SETMAR: variants seen among roughly 807,000 people sequenced by gnomAD.
SETMAR encodes the protein SET and mariner transposase domain methyltransferase, also known as histone-lysine N-methyltransferase SETMAR.
A neutral mutation model predicts 58.4 loss-of-function variants in SETMAR; 44 were observed. The observed-to-expected ratio is 0.75, with a 90% CI of 0.59 to 0.97. SETMAR has a LOEUF of 0.97. Ranked by LOEUF, SETMAR falls within the 50% of genes least tolerant of loss-of-function variation. The pLI, the probability that SETMAR is intolerant of heterozygous loss-of-function variation, is 0.00. For synonymous variants in SETMAR, 332 were observed against 307.4 expected (o/e 1.08, Z -0.84); for missense variants, 903 against 840.2 (o/e 1.07, Z -0.92).
At position 4,313,516 on chromosome 3, in the gene SETMAR, T is replaced by C. The variant is rs1419055967; in HGVS notation, c.775T>C (p.Ser259Pro). The change falls in exon 2 of 3, where the codon TCT becomes CCT. Residue 259 changes from serine to proline, a missense_variant. By Grantham distance (74) the Ser-to-Pro change is moderately conservative (BLOSUM62 -1). Coordinates refer to ENST00000358065, the MANE Select transcript of SETMAR (RefSeq NM_006515.4). ...AGATATTGTGCCAGAAGAAGAACTC[T>C]CTTATGATTATTCAGGAAGATATCT... The part of the protein sequence containing the change: ...AKDIVPEEEL[S>P]YDYSGRYLNL... 1 of 1,614,036 alleles carries C rather than the reference T, an allele frequency of 6.2e-7. No individual in the cohort carries two copies. The highest frequency in any genetic ancestry group is 1.7e-5 in the Admixed American group (1 of 59,998).
intron 2 of SETMAR, among the ~76,000 whole-genome samples, chr3:4,314,716 A>C (rs1698567118): frequency 1.3e-5 from 2 of 152,172 alleles, no homozygotes; most frequent in Non-Finnish European, 2.9e-5. Context: ...ATCCCGTTTA[A>C]ACTTCTAGAG....
chr3:4,316,328 A>G lies in SETMAR; in HGVS notation c.1137A>G (p.Gly379=). ...TRNINNAFGP[G]TANERTVQWW... ...ACATCAACAATGCATTTGGCCCAGG[A>G]ACTGCTAACGAACGTACAGTGCAGT... Residue 379 remains glycine, a synonymous_variant, in exon 3 of 3, where the codon GGA becomes GGG. Transcript: ENST00000358065. 7.5e-7 allele frequency: 1 copy of G among 1,339,776 alleles called. No homozygotes were observed. Among genetic ancestry groups the G allele is most frequent in the Non-Finnish European group, 1.0e-6 (1 of 964,276 alleles). 83.0% of individuals were successfully genotyped at this position (1,339,776 alleles called of 1,614,324 possible). A position where few individuals can be genotyped will look rare whatever the true frequency, so the allele number is the denominator to read the frequency against.
In SETMAR at chr3:4,313,378, A is replaced by C. The variant is rs1458341193; in HGVS notation, c.637A>C (p.Thr213Pro). The change falls in exon 2 of 3, where the codon ACT (threonine) becomes CCT (proline). Residue 213 changes from threonine to proline, a missense_variant. By Grantham distance (38) the Thr-to-Pro change is conservative. Coordinates refer to ENST00000358065, the MANE Select transcript of SETMAR (RefSeq NM_006515.4). ...GGTAATGGAAACATTTGTTGACCCTACTTATATAGGAAATATTGGAAGATT... is the reference window on the plus strand; with the variant it reads ...GGTAATGGAAACATTTGTTGACCCTCCTTATATAGGAAATATTGGAAGATT... ...GQVMETFVDPTYIGNIGRFLN... is the reference protein window; with the variant it reads ...GQVMETFVDPPYIGNIGRFLN... 7 of 1,613,754 alleles carry C rather than the reference A, an allele frequency of 4.3e-6. No individual in the cohort carries two copies. Among genetic ancestry groups the C allele is most frequent in the Non-Finnish European group, 5.9e-6 (7 of 1,179,832 alleles).
In SETMAR at chr3:4,313,190, G is replaced by A. The variant is rs535462490; in HGVS notation, c.449G>A (p.Gly150Asp). 7 of 1,613,998 alleles carry A rather than the reference G, an allele frequency of 4.3e-6. No homozygotes were observed. The Middle Eastern group carries it at 6.6e-4, about 152-fold the overall frequency. ...HFQVFKTHKK[G>D]WGLRTLEFIP... ...CAAGTGTTCAAGACGCATAAAAAAG[G>A]CTGGGGACTTCGTACCTTGGAATTT... The change falls in exon 2 of 3, where the codon GGC becomes GAC. Residue 150 changes from glycine (G) to aspartate (D), a missense_variant. Transcript: ENST00000358065.
rs1285739875 is a variant in SETMAR, at chr3:4,313,123, T to C, written c.382T>C (p.Cys128Arg). Residue 128 changes from cysteine (C) to arginine (R), a missense_variant, in exon 2 of 3, where the codon TGC becomes CGC. Transcript: ENST00000358065. ...CNVLCRCSDHCRNRVVQKGLQ... is the reference protein window; with the variant it reads ...CNVLCRCSDHRRNRVVQKGLQ... Reference sequence around the variant, plus strand: ...TGTCCTGTGCCGATGCAGTGACCACTGCAGAAACAGAGTGGTCCAGAAAGG... The same window carrying C: ...TGTCCTGTGCCGATGCAGTGACCACCGCAGAAACAGAGTGGTCCAGAAAGG... The C allele has an allele frequency of 6.2e-7, 1 of 1,614,032 alleles. No homozygotes were observed. Among genetic ancestry groups the C allele is most frequent in the Admixed American group, 1.7e-5 (1 of 59,970 alleles).
chr3:4,316,246 G>C lies in SETMAR; in HGVS notation c.1055G>C (p.Arg352Pro). The C allele has an allele frequency of 1.3e-6, 1 of 760,264 alleles. No homozygotes were observed. Among genetic ancestry groups the C allele is most frequent in the East Asian group, 2.7e-5 (1 of 37,518 alleles). The allele number at this position is 760,264 out of a possible 1,614,324, so 47.1% of individuals were successfully genotyped here. Residue 352 changes from arginine to proline, a missense_variant, in exon 3 of 3, where the codon CGA becomes CCA. Arg to Pro is a moderately radical substitution (Grantham distance 103, BLOSUM62 -2). Transcript: ENST00000358065. ...ATGATGTTAGACAAAAAGCAAATTC[G>C]AGCAATTTTCTTATTCGAGTTCAAA... ...MKMMLDKKQIRAIFLFEFKMG... is the reference protein window; with the variant it reads ...MKMMLDKKQIPAIFLFEFKMG...
intron 1 of SETMAR, among the ~76,000 whole-genome samples, 185 bp from the exon 2 acceptor site, chr3:4,312,713 A>AAC (rs1394918161): frequency 6.6e-6 from 1 of 151,610 alleles, no homozygotes; most frequent in African/African-American, 2.4e-5. Context: ...TAAAAAAAAA[A>AAC]AAAAAAAACT....
Position 4,313,649 on chromosome 3 carries a change from C to T in SETMAR, c.908C>T (p.Ser303Phe). 1 of 1,614,040 alleles carries T rather than the reference C, an allele frequency of 6.2e-7. No homozygotes were observed. The highest frequency in any genetic ancestry group is 8.5e-7 in the Non-Finnish European group (1 of 1,179,964). ...SCTAFLPFDS[S>F]LYCPVEKSNI... is the part of the protein sequence containing the mutation. ...ACTGCTTTCCTGCCTTTTGACAGTTCTCTGTACTGCCCCGTAGAAAAGTCG... is the reference window on the plus strand; with the variant it reads ...ACTGCTTTCCTGCCTTTTGACAGTTTTCTGTACTGCCCCGTAGAAAAGTCG... Residue 303 changes from serine to phenylalanine, a missense_variant, in exon 2 of 3, where the codon TCT becomes TTT. By Grantham distance (155) the Ser-to-Phe change is radical. Coordinates refer to ENST00000358065, the MANE Select transcript of SETMAR (RefSeq NM_006515.4).
At chr3:4,305,261 T>A (rs1698145229) in intron 1 of SETMAR, among the ~76,000 whole-genome samples, 1 of 152,052 alleles carries the variant, frequency 6.6e-6, no homozygotes, top group African/African-American at 2.4e-5. Flanking sequence ...GATTTTTGTA[T>A]TTTTAGTAGA....
chr3:4,308,177 A>G (rs1019628520), intron 1 of SETMAR, among the ~76,000 whole-genome samples: 9 of 152,240 alleles, frequency 5.9e-5, no homozygotes, highest in African/African-American at 2.2e-4. Flanking sequence ...ACTCAAATGG[A>G]GAAGTAATGG....
At chr3:4,310,364 C>G (rs1306638174) in intron 1 of SETMAR, among the ~76,000 whole-genome samples, 1 of 152,094 alleles carries the variant, frequency 6.6e-6, no homozygotes, top group Non-Finnish European at 1.5e-5. Context: ...AAAGATTATT[C>G]TTGAGTGTAG....
chr3:4,312,400 AAAAT>A (rs1310807338), intron 1 of SETMAR, among the ~76,000 whole-genome samples: 3 of 152,162 alleles, frequency 2.0e-5, no homozygotes, highest in African/African-American at 7.2e-5. Context: ...ATAAGAGAAA[AAAAT>A]AGTATTTTTC....
intron 1 of SETMAR, among the ~76,000 whole-genome samples, chr3:4,304,537 G>A (rs903126888): frequency 6.6e-6 from 1 of 152,330 alleles, no homozygotes; most frequent in South Asian, 2.1e-4. Context: ...GCTGGACGTG[G>A]AAGTTGGAGA....
At chr3:4,313,797 C>T in intron 2 of SETMAR, 36 bp downstream of exon 2, 1 of 1,612,022 alleles carries the variant, frequency 6.2e-7, no homozygotes, top group African/African-American at 1.3e-5. Flanking sequence ...TTGCCCCTCC[C>T]TATAGTGGAA....
intron 1 of SETMAR, among the ~76,000 whole-genome samples, chr3:4,312,391 TAA>T (rs1698440521): frequency 6.6e-6 from 1 of 152,110 alleles, no homozygotes; most frequent in Admixed American, 6.5e-5. Flanking sequence ...CTATTTCTGA[TAA>T]GAGAAAAAAA....
At chr3:4,313,987 G>C (rs912958958) in intron 2 of SETMAR, 36 of 788,862 alleles carry the variant, frequency 4.6e-5, no homozygotes, top group Middle Eastern at 7.5e-4. Flanking sequence ...CTTAGTGACT[G>C]TTCTAGTTAA....
intron 1 of SETMAR, among the ~76,000 whole-genome samples, chr3:4,310,187 A>G (rs1309492801): frequency 1.3e-5 from 2 of 152,254 alleles, no homozygotes; most frequent in Non-Finnish European, 2.9e-5. Flanking sequence ...ATTATGCAGC[A>G]CATGACTACT....
chr3:4,305,152 A>G (rs1698139863), intron 1 of SETMAR, among the ~76,000 whole-genome samples: 1 of 152,052 alleles, frequency 6.6e-6, no homozygotes, highest in Non-Finnish European at 1.5e-5. Context: ...TGGTGGTGCG[A>G]TCAGCTCACT....
intron 1 of SETMAR, 145 bp downstream of exon 1, chr3:4,303,671 C>G (rs1019291341): frequency 6.7e-7 from 1 of 1,486,020 alleles, no homozygotes; most frequent in African/African-American, 1.4e-5. Context: ...AATAGGTGTG[C>G]ATGCCCCGGC....
Sources: allele counts gnomAD v4.1 joint callset (sites outside exome capture counted in the v4.1 genomes callset), GRCh38; gene constraint gnomAD v4.1.1; transcripts MANE v1.5; gene names NCBI Gene and HGNC (gene_info 2026-07-23, HGNC 2026-07-21).